SV2C: variants seen among roughly 807,000 people sequenced by gnomAD.
The protein encoded by SV2C is solute carrier family 22 member B3.
Under a neutral mutation model 79.7 loss-of-function variants are expected in SV2C, and 49 were observed. The ratio of observed to expected loss-of-function variants is 0.61; its 90% CI spans 0.49 to 0.78. The LOEUF is 0.78. SV2C is among the 30% of genes least tolerant of loss of function. SV2C has a pLI of 0.00. For synonymous variants in SV2C, 334 were observed against 333.2 expected (o/e 1.00, Z -0.03); for missense variants, 833 against 912.9 (o/e 0.91, Z 1.13).
intron 4 of SV2C, among the ~76,000 whole-genome samples, chr5:76,270,462 A>G (rs1296612060): frequency 2.0e-5 from 3 of 152,234 alleles, no homozygotes; most frequent in Non-Finnish European, 4.4e-5. Flanking sequence ...GGCTCCCAGC[A>G]AAGCCTGAGA....
In SV2C at chr5:76,300,156, A is replaced by AATTATTATTATTATTATTATT. The variant is rs142593511; in HGVS notation, c.1637-557_1637-537dup. Among the ~76,000 whole-genome samples the AATTATTATTATTATTATTATT allele has an allele frequency of 1.8e-3, 250 of 139,670 alleles. 3 individuals carry two copies. The highest frequency in any genetic ancestry group is 1.7e-3 in the African/African-American group (64 of 37,790). The allele number at this position is 139,670 out of a possible 152,430, so 91.6% of individuals were successfully genotyped here. A position where few individuals can be genotyped will look rare whatever the true frequency, so the allele number is the denominator to read the frequency against. On this transcript the variant is annotated intron_variant, in intron 10 of 12. Transcript: ENST00000502798. ...CAGCTCACTGCGGCCTCAAATAAAA[A>AATTATTATTATTATTATTATT]ATTATTATTATTATTATTATTATTA...
At chr5:76,037,318 G>T in the SV2C span, among the ~76,000 whole-genome samples, 1 of 152,168 alleles carries the variant, frequency 6.6e-6, no homozygotes, top group African/African-American at 2.4e-5. Flanking sequence ...GAGGAGAGGC[G>T]CTCTGCTTTT....
intron 12 of SV2C, among the ~76,000 whole-genome samples, chr5:76,315,766 G>A (rs1049416713): frequency 1.7e-4 from 26 of 152,302 alleles, no homozygotes; most frequent in Admixed American, 2.0e-4. Context: ...AAACAAGGGA[G>A]TTTAACAAGA....
rs749024478 is a variant in SV2C, at chr5:76,131,909, AGAT to A, written c.168_170del (p.Asp57del). Reference sequence around the variant, plus strand: ...CCTACAGTCGGTTCCAAGATGAAGAAGATGATGATGACTACTACCCGGCTGGAG... The same window carrying A: ...CCTACAGTCGGTTCCAAGATGAAGAAGATGATGACTACTACCCGGCTGGAG... On this transcript the variant is annotated inframe_deletion, in exon 2 of 13. Coordinates refer to ENST00000502798, the MANE Select transcript of SV2C (RefSeq NM_014979.4). 6.2e-7 allele frequency: 1 copy of A among 1,614,114 alleles called. No homozygotes were observed. Among genetic ancestry groups the A allele is most frequent in the Non-Finnish European group, 8.5e-7 (1 of 1,179,998 alleles).
intron 1 of SV2C, among the ~76,000 whole-genome samples, chr5:76,110,209 A>G (rs1006777721): frequency 5.3e-5 from 8 of 152,200 alleles, no homozygotes; most frequent in African/African-American, 1.9e-4. Context: ...GTTATGTCAA[A>G]ACAATGAGAA....
chr5:76,034,575 A>C, the SV2C span, among the ~76,000 whole-genome samples: 3 of 152,350 alleles, frequency 2.0e-5, no homozygotes, highest in Non-Finnish European at 4.4e-5. Context: ...ATATTGAACC[A>C]GCCTTGCATC....
chr5:76,048,965 G>GAGAAAGAAAGAAAGAAAAAGAAAGAA, the SV2C span, among the ~76,000 whole-genome samples: 1 of 58,200 alleles, frequency 1.7e-5, no homozygotes, highest in Middle Eastern at 8.1e-3. Context: ...GAAAGAAAAA[G>GAGAAAGAAAGAAAGAAAAAGAAAGAA]AGAAAGAAAG....
the SV2C span, among the ~76,000 whole-genome samples, chr5:75,906,769 T>C: frequency 3.9e-5 from 6 of 152,186 alleles, no homozygotes; most frequent in African/African-American, 7.2e-5. Context: ...CAGTTTATTT[T>C]GTCCTCACTG....
chr5:76,133,972 A>G (rs1424927564), intron 2 of SV2C, among the ~76,000 whole-genome samples: 1 of 152,198 alleles, frequency 6.6e-6, no homozygotes, highest in Non-Finnish European at 1.5e-5. Flanking sequence ...TTTTAATGTT[A>G]TGGTCCCACC....
At chr5:75,875,022 C>G in the SV2C span, among the ~76,000 whole-genome samples, 1,488 of 152,204 alleles carry the variant, frequency 9.8e-3, 13 homozygotes, top group East Asian at 0.035. Context: ...TATTGAACTA[C>G]CAACGACATT....
the SV2C span, among the ~76,000 whole-genome samples, chr5:75,912,751 T>C: frequency 1.3e-5 from 2 of 152,074 alleles, no homozygotes; most frequent in African/African-American, 4.8e-5. Flanking sequence ...GCTCATGAAG[T>C]AGAGGAGAGG....
Position 76,317,473 on chromosome 5 carries a change from A to G in SV2C, c.2001-7891A>G, listed in dbSNP as rs117719317. On this transcript the variant is annotated intron_variant, in intron 12 of 12. Transcript: ENST00000502798. ...CACACACATACACACACACACTTTTACCCTTTAACAGGTAAATTCTATGAG... is the reference window on the plus strand; with the variant it reads ...CACACACATACACACACACACTTTTGCCCTTTAACAGGTAAATTCTATGAG... 2.1e-4 allele frequency among the ~76,000 whole-genome samples: 32 copies of G among 151,634 alleles called. No individual in the cohort carries two copies. The East Asian group carries it at 3.9e-3, about 18-fold the overall frequency.
chr5:76,220,247 T>A (rs574779297), intron 4 of SV2C, among the ~76,000 whole-genome samples: 1 of 152,374 alleles, frequency 6.6e-6, no homozygotes, highest in Admixed American at 6.5e-5. Flanking sequence ...GTGACAGGGC[T>A]AGTAGCTACC....
At chr5:76,037,760 G>A in the SV2C span, among the ~76,000 whole-genome samples, 2 of 152,246 alleles carry the variant, frequency 1.3e-5, no homozygotes, top group Non-Finnish European at 2.9e-5. Flanking sequence ...TCCTTGAGCT[G>A]TGGTGGGCTC....
At chr5:76,007,468 T>C in the SV2C span, among the ~76,000 whole-genome samples, 1 of 151,988 alleles carries the variant, frequency 6.6e-6, no homozygotes, top group South Asian at 2.1e-4. Context: ...AGGTAAAAGT[T>C]TCTTAGTTGG....
intron 12 of SV2C, among the ~76,000 whole-genome samples, chr5:76,349,781 C>A (rs2112591307): frequency 6.6e-6 from 1 of 152,048 alleles, no homozygotes. Flanking sequence ...GTGAACCTCC[C>A]ACCTTGGCCT....
chr5:76,250,932 G>C (rs1009468417), intron 4 of SV2C, among the ~76,000 whole-genome samples: 39 of 152,016 alleles, frequency 2.6e-4, no homozygotes, highest in African/African-American at 9.4e-4. Context: ...TATTATGAGA[G>C]CTCTTAAGTT....
At chr5:75,944,984 T>C in the SV2C span, among the ~76,000 whole-genome samples, 1 of 151,948 alleles carries the variant, frequency 6.6e-6, no homozygotes, top group Admixed American at 6.6e-5. Context: ...CTGACCAATG[T>C]GTGAAAAAAA....
At chr5:75,854,733 T>C in the SV2C span, among the ~76,000 whole-genome samples, 1 of 152,202 alleles carries the variant, frequency 6.6e-6, no homozygotes. Context: ...CCATGTGTTA[T>C]TTCCTTCTCT....
Sources: gnomAD v4.1 joint callset for allele counts (sites outside exome capture counted in the v4.1 genomes callset) on GRCh38, gnomAD v4.1.1 for gene constraint, MANE v1.5 for transcripts, NCBI Gene and HGNC (gene_info 2026-07-23, HGNC 2026-07-21) for gene names.